The following CCSER1 variants were observed in gnomAD, a reference collection of about 807,000 sequenced individuals.
CCSER1 encodes serine-rich coiled-coil domain-containing protein 1.
Under a neutral mutation model 82.0 loss-of-function variants are expected in CCSER1, and 41 were observed. That is an observed-to-expected ratio of 0.50 (90% CI 0.39 to 0.65). The LOEUF is 0.65. Ranked by LOEUF, CCSER1 falls within the 30% of genes least tolerant of loss-of-function variation. The pLI, the probability that CCSER1 is intolerant of heterozygous loss-of-function variation, is 0.00. For synonymous variants in CCSER1, 414 were observed against 383.9 expected (o/e 1.08, Z -0.92); for missense variants, 1,119 against 1,064.2 (o/e 1.05, Z -0.72).
chr4:90,705,622 C>T (rs188010627), intron 6 of CCSER1, among the ~76,000 whole-genome samples: 1 of 152,304 alleles, frequency 6.6e-6, no homozygotes, highest in African/African-American at 2.4e-5. Context: ...GGTCTCCACC[C>T]AGTTTGAGCT....
chr4:90,982,666 C>T (rs1736224937), intron 9 of CCSER1, among the ~76,000 whole-genome samples: 1 of 151,562 alleles, frequency 6.6e-6, no homozygotes, highest in South Asian at 2.1e-4. Context: ...TCATAAATTA[C>T]CACACACTAA....
At chr4:91,219,465 A>G (rs1737563164) in intron 10 of CCSER1, among the ~76,000 whole-genome samples, 1 of 151,944 alleles carries the variant, frequency 6.6e-6, no homozygotes, top group South Asian at 2.1e-4. Flanking sequence ...GTCGCCTGCC[A>G]CCACACCTGG....
At chr4:91,380,184 G>C (rs1446135163) in intron 10 of CCSER1, among the ~76,000 whole-genome samples, 1 of 152,152 alleles carries the variant, frequency 6.6e-6, no homozygotes, top group Non-Finnish European at 1.5e-5. Flanking sequence ...GTCAATTTTG[G>C]AATAAGTGCG....
chr4:91,476,085 G>A (rs115015182), intron 10 of CCSER1, among the ~76,000 whole-genome samples: 270 of 151,884 alleles, frequency 1.8e-3, no homozygotes, highest in Non-Finnish European at 2.8e-3. Context: ...ATTGTGAATA[G>A]CACTGCAATA....
chr4:91,060,225 C>A (rs576328170), intron 9 of CCSER1, among the ~76,000 whole-genome samples: 8 of 152,058 alleles, frequency 5.3e-5, no homozygotes, highest in African/African-American at 1.9e-4. Flanking sequence ...GATAGCTTTT[C>A]ATGTAATTTG....
chr4:90,955,923 C>T (rs998320716), intron 9 of CCSER1, among the ~76,000 whole-genome samples: 2 of 152,070 alleles, frequency 1.3e-5, no homozygotes, highest in African/African-American at 2.4e-5. Context: ...ATACTCTCTC[C>T]CACATCACAC....
intron 10 of CCSER1, among the ~76,000 whole-genome samples, chr4:91,274,184 T>A (rs1742250139): frequency 6.6e-6 from 1 of 152,004 alleles, no homozygotes; most frequent in Admixed American, 6.5e-5. Context: ...ACTTTTTAAT[T>A]TTTTTTATTT....
intron 10 of CCSER1, among the ~76,000 whole-genome samples, chr4:91,439,455 C>T (rs1416420844): frequency 1.3e-5 from 2 of 152,024 alleles, no homozygotes; most frequent in African/African-American, 2.4e-5. Flanking sequence ...ACCACCAGGC[C>T]TGCCCTAAAA....
At chr4:91,182,398 C>G (rs1226856700) in intron 10 of CCSER1, among the ~76,000 whole-genome samples, 1 of 152,194 alleles carries the variant, frequency 6.6e-6, no homozygotes, top group African/African-American at 2.4e-5. Flanking sequence ...GGTTTCTGTA[C>G]GTGCTGTACA....
chr4:90,749,225 G>A (rs924536364), intron 7 of CCSER1, among the ~76,000 whole-genome samples: 7 of 151,580 alleles, frequency 4.6e-5, no homozygotes, highest in Admixed American at 2.6e-4. Context: ...TAAGGTGTAA[G>A]GAAGGGATCC....
chr4:90,408,132 C>T (rs1339317935), intron 4 of CCSER1, among the ~76,000 whole-genome samples: 1 of 152,240 alleles, frequency 6.6e-6, no homozygotes, highest in African/African-American at 2.4e-5. Context: ...AACAGAGCGG[C>T]TGGGAAGCTC....
intron 10 of CCSER1, among the ~76,000 whole-genome samples, chr4:91,238,335 A>T (rs1560536348): frequency 6.6e-6 from 1 of 152,244 alleles, no homozygotes; most frequent in South Asian, 2.1e-4. Flanking sequence ...ATAGATAGAG[A>T]AGAAATGGGG....
chr4:90,912,855 A>C (rs1435617836), intron 8 of CCSER1, among the ~76,000 whole-genome samples: 2 of 152,256 alleles, frequency 1.3e-5, no homozygotes, highest in African/African-American at 4.8e-5. Flanking sequence ...AAGCTTCAGT[A>C]GCTGATTCGA....
chr4:90,471,283 T>G (rs539661914), intron 5 of CCSER1, among the ~76,000 whole-genome samples: 2 of 152,044 alleles, frequency 1.3e-5, no homozygotes, highest in East Asian at 3.9e-4. Flanking sequence ...ACCAATTTTC[T>G]TAACCCCTGG....
At chr4:90,746,920 T>C (rs1307109169) in intron 7 of CCSER1, among the ~76,000 whole-genome samples, 1 of 152,140 alleles carries the variant, frequency 6.6e-6, no homozygotes, top group Admixed American at 6.5e-5. Context: ...TCAACTCAGG[T>C]CCTAAAAATT....
At chr4:90,694,785 ATG>A (rs1176403603) in intron 6 of CCSER1, among the ~76,000 whole-genome samples, 1 of 133,562 alleles carries the variant, frequency 7.5e-6, no homozygotes, top group African/African-American at 2.8e-5. Context: ...TCAATGCACG[ATG>A]TGTGTGTGGG....
At chr4:90,720,402 A>G (rs1742473483) in intron 6 of CCSER1, among the ~76,000 whole-genome samples, 1 of 152,104 alleles carries the variant, frequency 6.6e-6, no homozygotes, top group Non-Finnish European at 1.5e-5. Flanking sequence ...CATAAGACTT[A>G]TACAATAAAA....
At chr4:90,894,150 A>G (rs1452303441) in intron 8 of CCSER1, among the ~76,000 whole-genome samples, 1 of 152,066 alleles carries the variant, frequency 6.6e-6, no homozygotes, top group South Asian at 2.1e-4. Context: ...TTTTTAAATA[A>G]TGCACCAATT....
intron 9 of CCSER1, among the ~76,000 whole-genome samples, chr4:91,025,298 A>G (rs934519639): frequency 1.3e-5 from 2 of 152,138 alleles, no homozygotes; most frequent in Non-Finnish European, 2.9e-5. Context: ...CAATTCACAT[A>G]CCTCCAATTC....
Sources: gnomAD v4.1 joint callset for allele counts (sites outside exome capture counted in the v4.1 genomes callset) on GRCh38, gnomAD v4.1.1 for gene constraint, MANE v1.5 for transcripts, NCBI Gene and HGNC (gene_info 2026-07-23, HGNC 2026-07-21) for gene names.